The following NRXN3 variants were observed in gnomAD, a reference collection of about 807,000 sequenced individuals.
The protein encoded by NRXN3 is neurexin III.
In NRXN3, 32 loss-of-function variants were observed where a neutral mutation model predicts 137.6. The observed-to-expected ratio is 0.23, with a 90% CI of 0.18 to 0.31. The LOEUF (loss-of-function observed/expected upper bound fraction) is 0.31, where lower values mean the gene tolerates loss of function less well. Ranked by LOEUF, NRXN3 falls within the 10% of genes least tolerant of loss-of-function variation. NRXN3 has a pLI of 1.00. For missense variants in NRXN3, 1,574 were observed against 2,062.5 expected, an observed-to-expected ratio of 0.76 and a Z score of 4.59; for synonymous variants, 798 against 784.5, an observed-to-expected ratio of 1.02 and a Z score of -0.29.
intron 15 of NRXN3, chr14:79,280,513 C>T: frequency 1.9e-6 from 3 of 1,612,940 alleles, no homozygotes; most frequent in Non-Finnish European, 1.7e-6. Flanking sequence ...TCTATCGTTC[C>T]CCTGTTTCCC....
chr14:78,244,159 G>T (rs768662409), intron 2 of NRXN3, among the ~76,000 whole-genome samples: 2 of 152,200 alleles, frequency 1.3e-5, no homozygotes, highest in Non-Finnish European at 2.9e-5. Flanking sequence ...GCTAGGCAAG[G>T]TGGCTCACAC....
At chr14:79,190,130 A>T (rs904707289) in intron 15 of NRXN3, among the ~76,000 whole-genome samples, 1 of 152,178 alleles carries the variant, frequency 6.6e-6, no homozygotes, top group Non-Finnish European at 1.5e-5. Context: ...TATGGATCAG[A>T]TATTGCATCA....
chr14:78,304,482 C>G (rs977716618), intron 4 of NRXN3, among the ~76,000 whole-genome samples: 4 of 152,192 alleles, frequency 2.6e-5, no homozygotes, highest in African/African-American at 7.2e-5. Context: ...TGGCCAGAAA[C>G]AAGCGTGAAC....
intron 19 of NRXN3, among the ~76,000 whole-genome samples, chr14:79,797,236 T>G (rs1026682621): frequency 6.6e-6 from 1 of 152,218 alleles, no homozygotes; most frequent in African/African-American, 2.4e-5. Flanking sequence ...GTGATTCTCT[T>G]TAAAGCTATC....
At chr14:79,664,955 T>C (rs1392676157) in intron 17 of NRXN3, among the ~76,000 whole-genome samples, 2 of 152,118 alleles carry the variant, frequency 1.3e-5, no homozygotes, top group African/African-American at 4.8e-5. Context: ...TCCTTTACAG[T>C]GAGGTGGGCA....
At chr14:78,890,934 T>C (rs1017777539) in intron 10 of NRXN3, among the ~76,000 whole-genome samples, 1 of 151,964 alleles carries the variant, frequency 6.6e-6, no homozygotes, top group African/African-American at 2.4e-5. Flanking sequence ...ATCAAAATGC[T>C]GCCATCATAC....
At chr14:79,661,268 G>T (rs2098532021) in intron 16 of NRXN3, among the ~76,000 whole-genome samples, 1 of 152,140 alleles carries the variant, frequency 6.6e-6, no homozygotes, top group Non-Finnish European at 1.5e-5. Context: ...CCAGAGAACA[G>T]AACATGGGGA....
At chr14:78,779,157 C>T (rs767670565) in intron 8 of NRXN3, among the ~76,000 whole-genome samples, 13 of 151,956 alleles carry the variant, frequency 8.6e-5, no homozygotes, top group East Asian at 1.9e-4. Context: ...AAATTTAATT[C>T]GGTATTTTAA....
chr14:78,470,584 T>C (rs1372047235), intron 4 of NRXN3, among the ~76,000 whole-genome samples: 3 of 152,058 alleles, frequency 2.0e-5, no homozygotes, highest in Non-Finnish European at 2.9e-5. Flanking sequence ...GGTTAATACA[T>C]ATGGATTGTA....
At chr14:78,926,821 TA>T (rs1185403467) in intron 10 of NRXN3, among the ~76,000 whole-genome samples, 17 of 45,872 alleles carry the variant, frequency 3.7e-4, no homozygotes, top group Admixed American at 8.0e-4. Context: ...TATTATATAT[TA>T]TATATAATTT....
At chr14:78,310,589 G>T (rs2153542589) in intron 4 of NRXN3, among the ~76,000 whole-genome samples, 1 of 152,102 alleles carries the variant, frequency 6.6e-6, no homozygotes, top group Non-Finnish European at 1.5e-5. Context: ...TACGAGTGAG[G>T]TTCTGCAGTT....
At position 78,529,749 on chromosome 14, in the gene NRXN3, G is replaced by T. The variant is rs77511900; in HGVS notation, c.758-115371G>T. ...AAGCATTGGCTCTTTCACAGTTACT[G>T]TACAGTATCCCCACTGTGGCATTTT... is the stretch of plus-strand genomic sequence containing the variant. On this transcript the variant is annotated intron_variant, in intron 4 of 20. Coordinates refer to ENST00000335750, the MANE Select transcript of NRXN3 (RefSeq NM_001330195.2). Among the ~76,000 whole-genome samples, 1,387 of 152,242 alleles carry T rather than the reference G, an allele frequency of 9.1e-3. 19 individuals are homozygous for T. The highest frequency in any genetic ancestry group is 0.031 in the African/African-American group (1,307 of 41,556).
intron 4 of NRXN3, among the ~76,000 whole-genome samples, chr14:78,476,672 A>G (rs527845878): frequency 1.6e-4 from 24 of 152,342 alleles, no homozygotes; most frequent in Middle Eastern, 6.8e-3. Context: ...GATTTATAAT[A>G]TGAATTTCTT....
chr14:79,817,730 T>C (rs2099256116), intron 20 of NRXN3, among the ~76,000 whole-genome samples: 1 of 152,152 alleles, frequency 6.6e-6, no homozygotes, highest in Non-Finnish European at 1.5e-5. Context: ...GTAGCGCTTA[T>C]TTTCCATTAA....
chr14:78,829,761 A>C (rs897342982), intron 10 of NRXN3, among the ~76,000 whole-genome samples: 2 of 152,218 alleles, frequency 1.3e-5, no homozygotes, highest in African/African-American at 4.8e-5. Flanking sequence ...GAGAATTGCC[A>C]GTATCTAAAT....
At chr14:78,868,829 T>A (rs1464677232) in intron 10 of NRXN3, among the ~76,000 whole-genome samples, 1 of 147,852 alleles carries the variant, frequency 6.8e-6, no homozygotes, top group African/African-American at 2.6e-5. Flanking sequence ...CTCAAAAAAA[T>A]AAAATAAAAT....
At chr14:78,984,202 TAGA>T (rs989710881) in intron 14 of NRXN3, among the ~76,000 whole-genome samples, 7 of 152,132 alleles carry the variant, frequency 4.6e-5, no homozygotes, top group African/African-American at 1.4e-4. Flanking sequence ...TTCAAATCAT[TAGA>T]AGAATAGATG....
chr14:78,785,308 C>T (rs1384958716), intron 8 of NRXN3, among the ~76,000 whole-genome samples: 1 of 152,152 alleles, frequency 6.6e-6, no homozygotes, highest in Non-Finnish European at 1.5e-5. Context: ...TGAACAGTGT[C>T]ACTGAGTCAT....
intron 8 of NRXN3, among the ~76,000 whole-genome samples, chr14:78,753,261 A>C (rs1467214356): frequency 6.6e-6 from 1 of 152,220 alleles, no homozygotes; most frequent in Admixed American, 6.5e-5. Context: ...GGATAGATAC[A>C]ACAGTGAGCA....
Sources: gnomAD v4.1 joint callset for allele counts (sites outside exome capture counted in the v4.1 genomes callset) on GRCh38, gnomAD v4.1.1 for gene constraint, MANE v1.5 for transcripts, NCBI Gene and HGNC (gene_info 2026-07-23, HGNC 2026-07-21) for gene names.